The following CYP4F22 variants were observed in gnomAD, a reference collection of about 807,000 sequenced individuals.
CYP4F22 encodes cytochrome P450 family 4 subfamily F member 22.
A neutral mutation model predicts 60.4 loss-of-function variants in CYP4F22; 37 were observed. The ratio of observed to expected loss-of-function variants is 0.61; its 90% CI spans 0.47 to 0.81. The LOEUF (loss-of-function observed/expected upper bound fraction) is 0.81. Ranked by LOEUF, CYP4F22 falls within the 30% of genes least tolerant of loss-of-function variation. The pLI is 0.00. For synonymous variants in CYP4F22, 258 were observed against 280.5 expected (o/e 0.92, Z 0.80); for missense variants, 655 against 715.0 (o/e 0.92, Z 0.96).
intron 12 of CYP4F22, among the ~76,000 whole-genome samples, chr19:15,549,687 C>A (rs959724168): frequency 1.3e-5 from 2 of 150,976 alleles, no homozygotes; most frequent in Non-Finnish European, 2.9e-5. Context: ...AAAGTTGGCC[C>A]AATGTGGTGG....
chr19:15,546,672 A>C (rs953646074), intron 10 of CYP4F22, among the ~76,000 whole-genome samples: 2 of 152,212 alleles, frequency 1.3e-5, no homozygotes, highest in Non-Finnish European at 2.9e-5. Context: ...TGGGCCCTAA[A>C]GTCCAAGGGA....
intron 1 of CYP4F22, chr19:15,516,229 A>ATATC (rs777980386): frequency 6.6e-6 from 1 of 152,318 alleles, no homozygotes; most frequent in Non-Finnish European, 1.5e-5. Flanking sequence ...TTTAACCAAG[A>ATATC]TATCTGTGCT....
intron 1 of CYP4F22, among the ~76,000 whole-genome samples, chr19:15,520,874 TCTC>T (rs1443066810): frequency 6.6e-6 from 1 of 151,914 alleles, no homozygotes; most frequent in African/African-American, 2.4e-5. Flanking sequence ...TTCGAGCAAT[TCTC>T]CTGCCTCAGC....
In CYP4F22 at chr19:15,551,517, C is replaced by A. The variant is rs912444179; in HGVS notation, c.*46C>A. 2.6e-6 allele frequency: 4 copies of A among 1,538,282 alleles called. No homozygotes were observed. In the East Asian group the frequency reaches 9.8e-5, roughly 38 times the overall value. Reference sequence around the variant, plus strand: ...CTCCCGAGGGTCCAGGCCCCGCCCCCAAAGGACCAGGACTCGCCCCAAAGA... The same window carrying A: ...CTCCCGAGGGTCCAGGCCCCGCCCCAAAAGGACCAGGACTCGCCCCAAAGA... On this transcript the variant is annotated 3_prime_UTR_variant, in exon 14 of 14. Coordinates refer to ENST00000269703, the MANE Select transcript of CYP4F22 (RefSeq NM_173483.4).
At position 15,509,900 on chromosome 19, in the gene CYP4F22, CCTTCCTTT is replaced by C. The variant is rs1318543236; in HGVS notation, c.-109+1321_-109+1328del. Among the ~76,000 whole-genome samples the C allele has an allele frequency of 9.0e-4, 79 of 87,786 alleles. 1 individual carries two copies. The highest frequency in any genetic ancestry group is 1.2e-3 in the Non-Finnish European group (49 of 40,348). The allele number at this position is 87,786 out of a possible 152,430, so 57.6% of individuals were successfully genotyped here. On this transcript the variant is annotated intron_variant, in intron 1 of 13. Coordinates refer to ENST00000269703, the MANE Select transcript of CYP4F22 (RefSeq NM_173483.4). Reference sequence around the variant, plus strand: ...TCCTTCCTTCCTTCCTTCCTTCCTTCCTTCCTTTCTTTCTTTCCTTCCTTCTTTCTTTC... The same window carrying C: ...TCCTTCCTTCCTTCCTTCCTTCCTTCCTTTCTTTCCTTCCTTCTTTCTTTC...
chr19:15,526,071 G>T (rs1456239127), intron 3 of CYP4F22, among the ~76,000 whole-genome samples: 1 of 152,016 alleles, frequency 6.6e-6, no homozygotes, highest in Admixed American at 6.6e-5. Context: ...AGGCTGAGGC[G>T]CGAGGATTGT....
At chr19:15,527,840 C>T (rs962303451) in intron 3 of CYP4F22, among the ~76,000 whole-genome samples, 12 of 152,218 alleles carry the variant, frequency 7.9e-5, no homozygotes, top group Admixed American at 1.3e-4. Flanking sequence ...GGGGATGGAT[C>T]TGTCCTATTT....
chr19:15,529,348 C>T (rs1231478370), intron 3 of CYP4F22, among the ~76,000 whole-genome samples: 5 of 151,914 alleles, frequency 3.3e-5, no homozygotes, highest in African/African-American at 1.2e-4. Context: ...AGCCTGGTCT[C>T]GAACTCCTGA....
At chr19:15,525,049 T>C (rs573264009) in intron 2 of CYP4F22, among the ~76,000 whole-genome samples, 96 of 152,260 alleles carry the variant, frequency 6.3e-4, no homozygotes, top group South Asian at 1.2e-3. Flanking sequence ...GGGAGGGGTG[T>C]CTTGGTTTCC....
intron 1 of CYP4F22, among the ~76,000 whole-genome samples, chr19:15,520,338 T>A (rs1400626897): frequency 2.6e-5 from 3 of 115,948 alleles, no homozygotes; most frequent in East Asian, 3.3e-4. Context: ...AGAGCAAGCC[T>A]CCATCTCAAA....
At chr19:15,516,826 G>C in intron 1 of CYP4F22, 1 of 314,144 alleles carries the variant, frequency 3.2e-6, no homozygotes, top group Non-Finnish European at 5.4e-6. Flanking sequence ...GGCCTGAAGA[G>C]ATGTTATTCT....
intron 10 of CYP4F22, among the ~76,000 whole-genome samples, 168 bp from the exon 11 acceptor site, chr19:15,547,940 C>T (rs1971545279): frequency 6.7e-6 from 1 of 149,678 alleles, no homozygotes; most frequent in African/African-American, 2.5e-5. Context: ...GTCTAAAATC[C>T]TGGACTGGTT....
At chr19:15,512,721 G>T (rs1330866550) in intron 1 of CYP4F22, among the ~76,000 whole-genome samples, 1 of 152,180 alleles carries the variant, frequency 6.6e-6, no homozygotes, top group African/African-American at 2.4e-5. Context: ...GGGATTACGG[G>T]CATGAGCCAC....
At position 15,552,006 on chromosome 19, in the gene CYP4F22, G is replaced by C. The variant is rs1971605707; in HGVS notation, c.*535G>C. 1 of 160,502 alleles carries C rather than the reference G, an allele frequency of 6.2e-6. No homozygotes were observed. 9.9% of individuals were successfully genotyped at this position (160,502 alleles called of 1,614,324 possible). A position where few individuals can be genotyped will look rare whatever the true frequency, so the allele number is the denominator to read the frequency against. ...CCTCCTGAGGCCCTCAGCTCATACG[G>C]GCAGACTGCTCAGGCGTGAGGCTGG... On this transcript the variant is annotated 3_prime_UTR_variant, in exon 14 of 14. Coordinates refer to ENST00000269703, the MANE Select transcript of CYP4F22 (RefSeq NM_173483.4).
intron 1 of CYP4F22, among the ~76,000 whole-genome samples, chr19:15,521,058 C>T (rs1333375136): frequency 6.6e-6 from 1 of 152,104 alleles, no homozygotes; most frequent in Non-Finnish European, 1.5e-5. Flanking sequence ...TGAGCCACCA[C>T]GTCCAGCTGT....
At chr19:15,541,456 T>G (rs1261074223) in intron 8 of CYP4F22, among the ~76,000 whole-genome samples, 1 of 151,846 alleles carries the variant, frequency 6.6e-6, no homozygotes, top group Non-Finnish European at 1.5e-5. Flanking sequence ...CATTTTGTCT[T>G]GATTACTTCT....
At chr19:15,548,929 T>C (rs1971563565) in intron 11 of CYP4F22, among the ~76,000 whole-genome samples, 1 of 152,074 alleles carries the variant, frequency 6.6e-6, no homozygotes, top group Admixed American at 6.6e-5. Context: ...TGTGGCCAGC[T>C]TGGCAGCCAG....
chr19:15,516,424 C>T (rs1435527473), intron 1 of CYP4F22, among the ~76,000 whole-genome samples: 3 of 152,184 alleles, frequency 2.0e-5, no homozygotes, highest in Non-Finnish European at 4.4e-5. Flanking sequence ...TGAGGTCTTG[C>T]TTCAGCCAAT....
chr19:15,534,797 G>A (rs1300585692), intron 4 of CYP4F22, among the ~76,000 whole-genome samples: 1 of 152,116 alleles, frequency 6.6e-6, no homozygotes, highest in East Asian at 1.9e-4. Context: ...GGCCCCGAAG[G>A]ATGCCTAGGA....
Sources: gnomAD v4.1 joint callset for allele counts (sites outside exome capture counted in the v4.1 genomes callset) on GRCh38, gnomAD v4.1.1 for gene constraint, MANE v1.5 for transcripts, NCBI Gene and HGNC (gene_info 2026-07-23, HGNC 2026-07-21) for gene names.